ARID2: variants seen among roughly 807,000 people sequenced by gnomAD.
ARID2 encodes the protein AT-rich interaction domain 2, also known as AT-rich interactive domain-containing protein 2.
ARID2 carries 32 observed loss-of-function variants against 184.6 expected under a neutral mutation model. That is an observed-to-expected ratio of 0.17 (90% CI 0.13 to 0.23). ARID2 has a LOEUF of 0.23. Ranked by LOEUF, ARID2 falls within the 10% of genes least tolerant of loss-of-function variation. The pLI, the probability that ARID2 is intolerant of heterozygous loss-of-function variation, is 1.00. For synonymous variants in ARID2, 836 were observed against 772.6 expected (o/e 1.08, Z -1.36); for missense variants, 1,696 against 2,197.6 (o/e 0.77, Z 4.56).
intron 11 of ARID2, among the ~76,000 whole-genome samples, chr12:45,844,002 A>G (rs913807007): frequency 6.6e-6 from 1 of 152,160 alleles, no homozygotes; most frequent in Admixed American, 6.5e-5. Flanking sequence ...ATGAAATAAA[A>G]TACCACCACC....
At chr12:45,766,991 CAAT>C (rs933499608) in intron 3 of ARID2, among the ~76,000 whole-genome samples, 17 of 152,010 alleles carry the variant, frequency 1.1e-4, no homozygotes, top group African/African-American at 2.9e-4. Flanking sequence ...AAAACAACAA[CAAT>C]AACAAACATT....
chr12:45,763,941 G>A (rs1941724939), intron 3 of ARID2, among the ~76,000 whole-genome samples: 1 of 152,130 alleles, frequency 6.6e-6, no homozygotes, highest in African/African-American at 2.4e-5. Context: ...ATAGAAAATT[G>A]CAAATAGAAA....
At chr12:45,754,913 G>A (rs1315003326) in intron 3 of ARID2, among the ~76,000 whole-genome samples, 1 of 152,166 alleles carries the variant, frequency 6.6e-6, no homozygotes, top group African/African-American at 2.4e-5. Context: ...AATCACTTTT[G>A]TTTGAGATAG....
At chr12:45,782,663 T>G (rs1942118609) in intron 3 of ARID2, among the ~76,000 whole-genome samples, 1 of 151,904 alleles carries the variant, frequency 6.6e-6, no homozygotes, top group African/African-American at 2.4e-5. Flanking sequence ...AATTTAGTAA[T>G]TTTAATGTGC....
intron 16 of ARID2, among the ~76,000 whole-genome samples, chr12:45,877,775 A>G (rs1034120417): frequency 6.6e-6 from 1 of 152,204 alleles, no homozygotes; most frequent in Admixed American, 6.5e-5. Context: ...TAGATCAATC[A>G]AAAGTAAGAA....
intron 3 of ARID2, among the ~76,000 whole-genome samples, chr12:45,739,849 G>A (rs1034013473): frequency 3.3e-5 from 5 of 152,128 alleles, no homozygotes; most frequent in African/African-American, 9.7e-5. Flanking sequence ...AGAGACCATA[G>A]CTAGGGCCCT....
At chr12:45,759,632 C>T (rs1340007855) in intron 3 of ARID2, among the ~76,000 whole-genome samples, 2 of 151,980 alleles carry the variant, frequency 1.3e-5, no homozygotes, top group Admixed American at 6.6e-5. Flanking sequence ...TCATATCTCT[C>T]GTATGTAAAC....
intron 3 of ARID2, among the ~76,000 whole-genome samples, chr12:45,743,506 G>C (rs1339110059): frequency 6.6e-6 from 1 of 152,208 alleles, no homozygotes; most frequent in Admixed American, 6.5e-5. Context: ...GAGTAGCTGA[G>C]ACTACAGACA....
intron 4 of ARID2, 140 bp downstream of exon 4, chr12:45,811,691 A>G: frequency 1.2e-6 from 1 of 855,678 alleles, no homozygotes; most frequent in Non-Finnish European, 1.6e-6. Flanking sequence ...AAAGATTGAC[A>G]TCTAATTGGT....
chr12:45,747,394 G>A (rs1310591217), intron 3 of ARID2, among the ~76,000 whole-genome samples: 2 of 152,060 alleles, frequency 1.3e-5, no homozygotes, highest in African/African-American at 4.8e-5. Context: ...ACCATTGCTA[G>A]TGCAGAATTA....
chr12:45,850,357 A>G lies in ARID2; in HGVS notation c.2234A>G (p.Gln745Arg), dbSNP rs749598125. The G allele has an allele frequency of 1.9e-6, 3 of 1,614,122 alleles. No homozygotes were observed. Among genetic ancestry groups the G allele is most frequent in the Non-Finnish European group, 2.5e-6 (3 of 1,179,996 alleles). Residue 745 changes from glutamine to arginine, a missense_variant, in exon 15 of 21, where the codon CAG becomes CGG. Physicochemically the swap from Gln to Arg is conservative, Grantham distance 43. This residue lies in a region of ARID2 where 713 missense variants were observed against 824.4 expected (regional missense o/e 0.86). Coordinates refer to ENST00000334344, the MANE Select transcript of ARID2 (RefSeq NM_152641.4). Reference protein sequence around the residue: ...GGGPPQSSVVQNHSTGPQPVT... With the variant: ...GGGPPQSSVVRNHSTGPQPVT... ...GGACCTCCACAGAGTTCTGTTGTTC[A>G]GAATCATAGTACAGGGCCACAACCT...
At chr12:45,795,671 C>T (rs1386764534) in intron 3 of ARID2, among the ~76,000 whole-genome samples, 2 of 151,554 alleles carry the variant, frequency 1.3e-5, no homozygotes, top group South Asian at 2.1e-4. Flanking sequence ...CTCCTGACCT[C>T]GTGATCCGCC....
intron 3 of ARID2, among the ~76,000 whole-genome samples, chr12:45,736,980 G>C (rs1941139581): frequency 6.6e-6 from 1 of 152,150 alleles, no homozygotes; most frequent in Admixed American, 6.5e-5. Flanking sequence ...ACCAACCTAA[G>C]AGATGCACAA....
At chr12:45,767,393 AT>A (rs1763533967) in intron 3 of ARID2, among the ~76,000 whole-genome samples, 1 of 151,848 alleles carries the variant, frequency 6.6e-6, no homozygotes, top group African/African-American at 2.4e-5. Context: ...TTTTTTTTCA[AT>A]TTTTTTTCTT....
At chr12:45,855,475 A>C (rs890401002) in intron 15 of ARID2, among the ~76,000 whole-genome samples, 7 of 152,328 alleles carry the variant, frequency 4.6e-5, no homozygotes, top group African/African-American at 1.7e-4. Flanking sequence ...CAGCATTCTT[A>C]TATATAGCAC....
chr12:45,786,144 ACT>A (rs1220473798), intron 3 of ARID2, among the ~76,000 whole-genome samples: 1 of 152,190 alleles, frequency 6.6e-6, no homozygotes, highest in Non-Finnish European at 1.5e-5. Context: ...TATAATTTTA[ACT>A]GTACACATTT....
chr12:45,828,113 G>C (rs143500266), intron 6 of ARID2, among the ~76,000 whole-genome samples: 2 of 151,826 alleles, frequency 1.3e-5, no homozygotes, highest in Non-Finnish European at 2.9e-5. Context: ...TCATGTAATC[G>C]TTACCCAGAT....
chr12:45,906,367 C>A lies in ARID2; in HGVS notation c.*1289C>A. ...CAGCGTGAAATGTATCCATTTATAACTGCCTATTGCCTGTTCTATTAGCAT... is the reference window on the plus strand; with the variant it reads ...CAGCGTGAAATGTATCCATTTATAAATGCCTATTGCCTGTTCTATTAGCAT... On this transcript the variant is annotated 3_prime_UTR_variant, in exon 21 of 21. Transcript: ENST00000334344. 4.3e-6 allele frequency: 1 copy of A among 233,148 alleles called. No individual in the cohort carries two copies. 14.4% of individuals were successfully genotyped at this position (233,148 alleles called of 1,614,324 possible). A position where few individuals can be genotyped will look rare whatever the true frequency, so the allele number is the denominator to read the frequency against.
At chr12:45,830,092 T>C (rs916012051) in intron 6 of ARID2, among the ~76,000 whole-genome samples, 1 of 149,764 alleles carries the variant, frequency 6.7e-6, no homozygotes, top group Non-Finnish European at 1.5e-5. Flanking sequence ...AAACAAAATA[T>C]ATAAATATAT....
Sources: allele counts gnomAD v4.1 joint callset (sites outside exome capture counted in the v4.1 genomes callset), GRCh38; gene constraint gnomAD v4.1.1; regional missense constraint gnomAD v4.1.1; transcripts MANE v1.5; gene names NCBI Gene and HGNC (gene_info 2026-07-23, HGNC 2026-07-21).